The following GPN1 variants were observed in gnomAD, a reference collection of about 807,000 sequenced individuals.
The protein encoded by GPN1 is ATP(GTP)-binding protein.
GPN1 carries 44 observed loss-of-function variants against 55.9 expected under a neutral mutation model. The ratio of observed to expected loss-of-function variants is 0.79; its 90% CI spans 0.62 to 1.01. The LOEUF (loss-of-function observed/expected upper bound fraction) is 1.01, where lower values mean the gene tolerates loss of function less well. Among genes scored for constraint, GPN1 ranks in the 50% least tolerant of loss-of-function variants. The pLI is 0.00. For synonymous variants in GPN1, 179 were observed against 162.5 expected, an observed-to-expected ratio of 1.10 and a Z score of -0.77; for missense variants, 466 against 462.8, an observed-to-expected ratio of 1.01 and a Z score of -0.06.
intron 11 of GPN1, chr2:27,642,197 G>T: frequency 2.3e-6 from 1 of 426,014 alleles, no homozygotes; most frequent in East Asian, 4.0e-5. Context: ...ACCTTTTTGT[G>T]TTCCGTTTCT....
upstream of GPN1, chr2:27,628,406 A>G: frequency 1.3e-6 from 2 of 1,551,332 alleles, no homozygotes; most frequent in South Asian, 1.2e-5. Flanking sequence ...CTGGAATCCA[A>G]GCATTCATCC....
At chr2:27,634,398 A>G (rs1451006208) in intron 5 of GPN1, among the ~76,000 whole-genome samples, 1 of 152,218 alleles carries the variant, frequency 6.6e-6, no homozygotes, top group African/African-American at 2.4e-5. Flanking sequence ...GAATTGTACA[A>G]CTATCACCAC....
chr2:27,638,300 C>T (rs529675833), intron 8 of GPN1, 45 bp downstream of exon 8: 1 of 1,113,150 alleles, frequency 9.0e-7, no homozygotes, highest in South Asian at 1.3e-5. Flanking sequence ...TTCATCAGAA[C>T]CTTGTGGTTA....
intron 9 of GPN1, 36 bp downstream of exon 9, chr2:27,639,067 C>G (rs954168876): frequency 6.5e-7 from 1 of 1,533,218 alleles, no homozygotes; most frequent in Admixed American, 1.9e-5. Flanking sequence ...GACAGCCTCT[C>G]CAGATAATCT....
rs751447106 is a variant in GPN1, at chr2:27,650,230, G to C, written c.*30G>C. The stretch of plus-strand genomic sequence containing the variant: ...CTTTAGCACACTTCACTTGTTTCTA[G>C]AAGTCCAGAATTTTGGACCTCCACG... On this transcript the variant is annotated 3_prime_UTR_variant, in exon 14 of 14. Coordinates refer to ENST00000610189, the MANE Select transcript of GPN1 (RefSeq NM_007266.4). 4.5e-6 allele frequency: 6 copies of C among 1,340,124 alleles called. No individual in the cohort carries two copies. Among genetic ancestry groups the C allele is most frequent in the Non-Finnish European group, 6.4e-6 (6 of 933,864 alleles). The allele number at this position is 1,340,124 out of a possible 1,614,324, so 83.0% of individuals were successfully genotyped here.
Position 27,634,731 on chromosome 2 carries a change from A to G in GPN1, c.351-115A>G, listed in dbSNP as rs563009946. ...CCAGTAGGAGGAAGTTAGATTTGGC[A>G]GTGTGCAGAGGTTACTCCAGTCTTG... On this transcript the variant is annotated intron_variant, in intron 5 of 13. Coordinates refer to ENST00000610189, the MANE Select transcript of GPN1 (RefSeq NM_007266.4). 110 of 701,696 alleles carry G rather than the reference A, an allele frequency of 1.6e-4. 1 individual carries two copies. In the East Asian group the frequency reaches 2.6e-3, roughly 17 times the overall value. The allele number at this position is 701,696 out of a possible 1,614,324, so 43.5% of individuals were successfully genotyped here. A position where few individuals can be genotyped will look rare whatever the true frequency, so the allele number is the denominator to read the frequency against.
At chr2:27,641,198 GA>G (rs1412763191) in intron 10 of GPN1, 41 bp from the exon 11 acceptor site, 1 of 1,389,488 alleles carries the variant, frequency 7.2e-7, no homozygotes, top group South Asian at 1.2e-5. Flanking sequence ...CAGTAGGATA[GA>G]GGATTAAGCA....
chr2:27,644,800 C>T (rs1674141937), intron 12 of GPN1, among the ~76,000 whole-genome samples: 1 of 140,862 alleles, frequency 7.1e-6, no homozygotes, highest in African/African-American at 2.6e-5. Flanking sequence ...TTTTCCATCT[C>T]AGCCTGCCAA....
At position 27,629,159 on chromosome 2, in the gene GPN1, C is replaced by T; in HGVS notation, c.101C>T (p.Thr34Ile). The T allele has an allele frequency of 2.5e-6, 4 of 1,614,190 alleles. No individual in the cohort carries two copies. Among genetic ancestry groups the T allele is most frequent in the Non-Finnish European group, 3.4e-6 (4 of 1,180,024 alleles). The change falls in exon 1 of 14, where the codon ACT becomes ATT. Residue 34 changes from threonine to isoleucine, a missense_variant. Physicochemically the swap from Thr to Ile is moderately conservative, Grantham distance 89. Coordinates refer to ENST00000610189, the MANE Select transcript of GPN1 (RefSeq NM_007266.4). ...GGAATGGCGGGATCCGGGAAAACCA[C>T]TTTTGTACAGGTGACGTACACAGCA... ...VLGMAGSGKT[T>I]FVQRLTGHLH...
chr2:27,636,721 C>T lies in GPN1; in HGVS notation c.524+1487C>T, dbSNP rs148001797. On this transcript the variant is annotated intron_variant, in intron 7 of 13. Coordinates refer to ENST00000610189, the MANE Select transcript of GPN1 (RefSeq NM_007266.4). ...AACTCCTGACCTCAAGTGATCTGCC[C>T]GCCTTGGCCTCCCAAAGTGCTGGGA... 6.9e-3 allele frequency among the ~76,000 whole-genome samples: 1,049 copies of T among 152,248 alleles called. 13 individuals carry two copies. The highest frequency in any genetic ancestry group is 0.022 in the African/African-American group (913 of 41,544).
In GPN1 at chr2:27,640,925, C is replaced by T. The variant is rs557494049; in HGVS notation, c.801-315C>T. Among the ~76,000 whole-genome samples, 5 of 152,300 alleles carry T rather than the reference C, an allele frequency of 3.3e-5. No individual in the cohort carries two copies. The East Asian group carries it at 9.6e-4, about 29-fold the overall frequency. The stretch of plus-strand genomic sequence containing the variant: ...TGTATGTTGCACGTCCTGAGCTCAA[C>T]AGGCTTATCTTTTACTTATCTCACC... On this transcript the variant is annotated intron_variant, in intron 10 of 13. Coordinates refer to ENST00000610189, the MANE Select transcript of GPN1 (RefSeq NM_007266.4).
At chr2:27,648,040 T>C in intron 13 of GPN1, 97 bp downstream of exon 13, 1 of 711,836 alleles carries the variant, frequency 1.4e-6, no homozygotes. Context: ...TAGCCAGTAA[T>C]AGTGGATAAA....
intron 12 of GPN1, among the ~76,000 whole-genome samples, chr2:27,642,994 C>CAT (rs1553358328): frequency 2.0e-5 from 3 of 149,660 alleles, no homozygotes; most frequent in African/African-American, 7.5e-5. Context: ...CACACACACA[C>CAT]ATACATATGC....
rs550668392 is a variant in GPN1 at position 27,640,586 on chromosome 2, T to C, written c.800+461T>C. Reference sequence around the variant, plus strand: ...ATTGAGAAAACGTATACAGCACTTATCACAATTGCTGACATATAGTAAGCA... The same window carrying C: ...ATTGAGAAAACGTATACAGCACTTACCACAATTGCTGACATATAGTAAGCA... On this transcript the variant is annotated intron_variant, in intron 10 of 13. Coordinates refer to ENST00000610189, the MANE Select transcript of GPN1 (RefSeq NM_007266.4). Among the ~76,000 whole-genome samples the C allele has an allele frequency of 1.1e-4, 17 of 152,368 alleles. No homozygotes were observed. In the East Asian group the frequency reaches 3.1e-3, roughly 28 times the overall value.
In GPN1 at chr2:27,641,261, A is replaced by G; in HGVS notation, c.822A>G (p.Glu274=). The change falls in exon 11 of 14, where the codon GAA becomes GAG. Residue 274 remains glutamate, a synonymous_variant. Transcript: ENST00000610189. ...EYEREYRPEY[E]RLKKSLANAE... is the part of the protein sequence containing the mutation. ...ACAGGGAGTATCGTCCTGAATATGA[A>G]CGTCTGAAAAAATCACTGGTAAGAA... The G allele has an allele frequency of 6.2e-7, 1 of 1,609,810 alleles. No homozygotes were observed. The highest frequency in any genetic ancestry group is 1.1e-5 in the South Asian group (1 of 90,918).
intron 13 of GPN1, among the ~76,000 whole-genome samples, chr2:27,648,749 C>T (rs1674364794): frequency 6.6e-6 from 1 of 152,192 alleles, no homozygotes; most frequent in Non-Finnish European, 1.5e-5. Flanking sequence ...GATTCTCCCA[C>T]TTCAGCCTCC....
chr2:27,649,984 T>C, intron 13 of GPN1, 131 bp from the exon 14 acceptor site: 1 of 590,026 alleles, frequency 1.7e-6, no homozygotes, highest in South Asian at 1.9e-5. Flanking sequence ...TAGGAGACAT[T>C]TCCTTTTTGA....
chr2:27,628,952 G>T, upstream of GPN1: 4 of 1,556,790 alleles, frequency 2.6e-6, no homozygotes, highest in South Asian at 1.2e-5. Context: ...CCCCTCACCC[G>T]CTCCTTTCTG....
At chr2:27,646,678 CATTT>C (rs1395854863) in intron 12 of GPN1, among the ~76,000 whole-genome samples, 1 of 152,066 alleles carries the variant, frequency 6.6e-6, no homozygotes, top group East Asian at 1.9e-4. Flanking sequence ...AGAAAAGCTC[CATTT>C]ATTTATTTAT....
Sources: gnomAD v4.1 joint callset for allele counts (sites outside exome capture counted in the v4.1 genomes callset) on GRCh38, gnomAD v4.1.1 for gene constraint, MANE v1.5 for transcripts, NCBI Gene and HGNC (gene_info 2026-07-23, HGNC 2026-07-21) for gene names.